EXT2: variants seen among roughly 807,000 people sequenced by gnomAD.
The protein encoded by EXT2 is exostosin-2.
In EXT2, 53 loss-of-function variants were observed where a neutral mutation model predicts 81.6. The observed-to-expected ratio is 0.65, with a 90% confidence interval of 0.52 to 0.82. The LOEUF is 0.82. Among genes scored for constraint, EXT2 ranks in the 40% least tolerant of loss-of-function variants. The probability of loss-of-function intolerance (pLI) is 0.00; values close to 1 mark genes in which losing one functional copy is unlikely to be tolerated. For synonymous variants in EXT2, 320 were observed against 340.0 expected (o/e 0.94, Z 0.65); for missense variants, 774 against 910.2 (o/e 0.85, Z 1.93).
intron 7 of EXT2, among the ~76,000 whole-genome samples, chr11:44,133,893 T>G (rs956373367): frequency 5.9e-5 from 9 of 152,310 alleles, no homozygotes; most frequent in African/African-American, 2.2e-4. Context: ...GACGGGAATT[T>G]GTGTGTACCA....
At chr11:44,174,427 T>C (rs1452651881) in intron 8 of EXT2, among the ~76,000 whole-genome samples, 1 of 151,588 alleles carries the variant, frequency 6.6e-6, no homozygotes, top group Non-Finnish European at 1.5e-5. Flanking sequence ...TATATATATA[T>C]TTGTGTACAT....
intron 7 of EXT2, 30 bp from the exon 8 acceptor site, chr11:44,171,581 T>C (rs375547622): frequency 9.3e-6 from 15 of 1,614,142 alleles, no homozygotes; most frequent in South Asian, 8.8e-5. Context: ...TCTCGCTTGC[T>C]CACTTAAAAC....
chr11:44,134,766 T>C (rs1371299439), intron 7 of EXT2, among the ~76,000 whole-genome samples: 1 of 152,202 alleles, frequency 6.6e-6, no homozygotes, highest in Non-Finnish European at 1.5e-5. Context: ...CATTCTTTTA[T>C]TGGTCAGTGG....
At chr11:44,222,115 G>T (rs1408121397) in intron 10 of EXT2, among the ~76,000 whole-genome samples, 1 of 152,098 alleles carries the variant, frequency 6.6e-6, no homozygotes, top group East Asian at 1.9e-4. Flanking sequence ...CTGTCTGTTG[G>T]CTGGTTTAGA....
chr11:44,228,472 G>A (rs1360292102), intron 10 of EXT2, among the ~76,000 whole-genome samples: 4 of 152,166 alleles, frequency 2.6e-5, no homozygotes. Context: ...ATGCTTTACT[G>A]TATACATAAT....
chr11:44,102,672 G>C (rs757449562), intron 1 of EXT2, among the ~76,000 whole-genome samples: 19 of 151,934 alleles, frequency 1.3e-4, no homozygotes, highest in African/African-American at 4.6e-4. Context: ...GGCCACTTGG[G>C]ACTCTGGAGT....
chr11:44,184,110 G>A (rs1157133479), intron 8 of EXT2, among the ~76,000 whole-genome samples: 1 of 152,180 alleles, frequency 6.6e-6, no homozygotes, highest in Non-Finnish European at 1.5e-5. Context: ...TCTCACTGGA[G>A]GTTTCTGAAC....
chr11:44,169,765 G>A (rs907057980), intron 7 of EXT2, among the ~76,000 whole-genome samples: 7 of 152,040 alleles, frequency 4.6e-5, no homozygotes, highest in Admixed American at 6.6e-5. Context: ...GCTCCAATGA[G>A]TATTTCCTTT....
At chr11:44,095,889 G>C in intron 1 of EXT2, 37 bp downstream of exon 1, 1 of 222,624 alleles carries the variant, frequency 4.5e-6, no homozygotes, top group Non-Finnish European at 8.7e-6. Flanking sequence ...CCGGGCGGGC[G>C]CTGAAGCGAG....
chr11:44,167,238 G>A (rs796712661), intron 7 of EXT2, among the ~76,000 whole-genome samples: 5 of 152,176 alleles, frequency 3.3e-5, no homozygotes, highest in African/African-American at 9.7e-5. Flanking sequence ...TGAAAAATGT[G>A]CTCGTAATCT....
In EXT2 at chr11:44,109,208, C is replaced by A; in HGVS notation, c.551C>A (p.Thr184Lys). The A allele has an allele frequency of 6.2e-7, 1 of 1,613,952 alleles. No homozygotes were observed. Among genetic ancestry groups the A allele is most frequent in the Non-Finnish European group, 8.5e-7 (1 of 1,179,948 alleles). Residue 184 changes from threonine (T) to lysine (K), a missense_variant, in exon 3 of 14, where the codon ACG becomes AAG. This residue lies in a region of EXT2 where 626 missense variants were observed against 670.5 expected (regional missense o/e 0.93). Transcript: ENST00000533608. ...TTTCTTGACAGGTGGGATCGAGGTA[C>A]GAATCACCTGTTGTTCAACATGTTG... ...MAQLSRWDRG[T>K]NHLLFNMLPG...
chr11:44,177,812 C>T (rs1955179889), intron 8 of EXT2, among the ~76,000 whole-genome samples: 1 of 151,658 alleles, frequency 6.6e-6, no homozygotes, highest in African/African-American at 2.4e-5. Flanking sequence ...AGATTTAAAA[C>T]AGAAAGAGAA....
intron 1 of EXT2, among the ~76,000 whole-genome samples, chr11:44,105,399 G>A (rs1017211240): frequency 2.0e-5 from 3 of 152,112 alleles, no homozygotes; most frequent in African/African-American, 7.2e-5. Flanking sequence ...TTAAGTGACT[G>A]TCTTGCCTCA....
At chr11:44,180,462 C>T (rs912806178) in intron 8 of EXT2, among the ~76,000 whole-genome samples, 45 of 152,056 alleles carry the variant, frequency 3.0e-4, no homozygotes, top group African/African-American at 1.0e-3. Context: ...TGTTTTTTCC[C>T]GCAGTTTTCC....
chr11:44,097,762 AAATAAATAAATAAATAAAT>A (rs1369219163), intron 1 of EXT2, among the ~76,000 whole-genome samples: 2 of 23,386 alleles, frequency 8.6e-5, no homozygotes, highest in African/African-American at 1.1e-4. Context: ...CCATCTCAAA[AAATAAATAAATAAATAAAT>A]AAATAAATAA....
rs1457235472 is a variant in EXT2, at chr11:44,249,392, C to G, written c.*5105C>G. 6.6e-6 allele frequency among the ~76,000 whole-genome samples: 1 copy of G among 152,194 alleles called. No homozygotes were observed. Among genetic ancestry groups the G allele is most frequent in the East Asian group, 1.9e-4 (1 of 5,190 alleles). On this transcript the variant is annotated 3_prime_UTR_variant, in exon 14 of 14. Transcript: ENST00000533608. ...CCCTGAAAGGCACAGAACTATCAGA[C>G]AGAAGACAAGGTAGTTCTCAAGAAG... is the stretch of plus-strand genomic sequence containing the variant.
rs371021698 is a variant in EXT2 at position 44,120,652 on chromosome 11, A to T, written c.744-4137A>T. Among the ~76,000 whole-genome samples the T allele has an allele frequency of 3.3e-5, 5 of 152,364 alleles. No individual in the cohort carries two copies. In the South Asian group the frequency reaches 6.2e-4, roughly 19 times the overall value. Reference sequence around the variant, plus strand: ...CTTGTGAGAGTTGCTGTTTAAGGGAATTCCCACATCTCTTGCGGGCTATAC... The same window carrying T: ...CTTGTGAGAGTTGCTGTTTAAGGGATTTCCCACATCTCTTGCGGGCTATAC... On this transcript the variant is annotated intron_variant, in intron 4 of 13. Coordinates refer to ENST00000533608, the MANE Select transcript of EXT2 (RefSeq NM_207122.2).
At chr11:44,230,242 G>A (rs1157896576) in intron 10 of EXT2, among the ~76,000 whole-genome samples, 2 of 152,152 alleles carry the variant, frequency 1.3e-5, no homozygotes, top group Non-Finnish European at 2.9e-5. Flanking sequence ...GTCTAGTGGT[G>A]GCTGAAGAAC....
chr11:44,154,179 T>C (rs1488111448), intron 7 of EXT2, among the ~76,000 whole-genome samples: 6 of 152,130 alleles, frequency 3.9e-5, no homozygotes, highest in Non-Finnish European at 7.4e-5. Context: ...TTTTGAGATG[T>C]ACAATAAATT....
Sources: gnomAD v4.1 joint callset for allele counts (sites outside exome capture counted in the v4.1 genomes callset) on GRCh38, gnomAD v4.1.1 for gene constraint, gnomAD v4.1.1 regional missense constraint, MANE v1.5 for transcripts, NCBI Gene and HGNC (gene_info 2026-07-23, HGNC 2026-07-21) for gene names.